FAM178B: variants seen among roughly 807,000 people sequenced by gnomAD.
FAM178B encodes the protein protein FAM178B.
FAM178B carries 82 observed loss-of-function variants against 91.7 expected under a neutral mutation model. The observed-to-expected ratio is 0.89, with a 90% confidence interval of 0.75 to 1.07. The LOEUF is 1.07. Ranked by LOEUF, FAM178B falls within the 50% of genes least tolerant of loss-of-function variation. The pLI is 0.00. For synonymous variants in FAM178B, 368 were observed against 359.4 expected (o/e 1.02, Z -0.27); for missense variants, 769 against 846.7 (o/e 0.91, Z 1.14).
At chr2:96,949,464 G>A (rs1201769734) in intron 7 of FAM178B, among the ~76,000 whole-genome samples, 2 of 152,182 alleles carry the variant, frequency 1.3e-5, no homozygotes, top group Admixed American at 1.3e-4. Flanking sequence ...GGAACCTGCA[G>A]GGAGACAGCA....
At chr2:96,942,684 T>C (rs892639061) in intron 8 of FAM178B, among the ~76,000 whole-genome samples, 1 of 152,172 alleles carries the variant, frequency 6.6e-6, no homozygotes. Flanking sequence ...CATGAGCCAC[T>C]GAGCCTGGCC....
At chr2:96,950,185 TG>T (rs2153373341) in intron 7 of FAM178B, 1 of 985,392 alleles carries the variant, frequency 1.0e-6, no homozygotes, top group African/African-American at 1.7e-5. Flanking sequence ...CCGTCTCAGA[TG>T]GGTCCTTTGT....
chr2:96,879,751 G>A (rs959283461), intron 14 of FAM178B, among the ~76,000 whole-genome samples: 3 of 152,208 alleles, frequency 2.0e-5, no homozygotes, highest in Non-Finnish European at 4.4e-5. Context: ...AAACCGAGGC[G>A]TGCCTCCAGG....
In FAM178B at chr2:96,969,220, C is replaced by A. The variant is rs78143122; in HGVS notation, c.626+1496G>T. ...ACACAGCGTCCTATGGACTAAATGT[C>A]TGTGTCTTCCCAGAATTCCTATGTT... On this transcript the variant is annotated intron_variant, in intron 4 of 16. Coordinates refer to ENST00000490605, the MANE Select transcript of FAM178B (RefSeq NM_001122646.3). Among the ~76,000 whole-genome samples, 399 of 152,352 alleles carry A rather than the reference C, an allele frequency of 2.6e-3. 14 individuals carry two copies. The East Asian group carries it at 0.068, about 26-fold the overall frequency.
chr2:96,979,029 T>C (rs2082328131), intron 1 of FAM178B, among the ~76,000 whole-genome samples: 2 of 142,198 alleles, frequency 1.4e-5, no homozygotes, highest in Admixed American at 1.5e-4. Context: ...CAGGCTGGAG[T>C]GCAGTGGTGT....
intron 12 of FAM178B, among the ~76,000 whole-genome samples, chr2:96,905,835 TATATATATATATATATATATATA>T (rs1559064038): frequency 8.9e-4 from 20 of 22,516 alleles, no homozygotes; most frequent in African/African-American, 2.3e-3. Flanking sequence ...TATATATATA[TATATATATATATATATATATATA>T]TATTTTTTTT....
At chr2:96,946,062 C>T (rs551309659) in intron 8 of FAM178B, among the ~76,000 whole-genome samples, 276 of 152,236 alleles carry the variant, frequency 1.8e-3, no homozygotes, top group Non-Finnish European at 2.2e-3. Flanking sequence ...ATTTGACTAC[C>T]CTGGGTACCT....
chr2:96,929,153 T>C (rs886083264), intron 9 of FAM178B, 53 bp downstream of exon 9: 11 of 1,245,346 alleles, frequency 8.8e-6, no homozygotes, highest in Non-Finnish European at 9.2e-6. Flanking sequence ...AGAGAGACCC[T>C]GTCTCTTAAA....
intron 1 of FAM178B, among the ~76,000 whole-genome samples, chr2:96,982,281 T>C (rs1311330231): frequency 6.6e-6 from 1 of 152,052 alleles, no homozygotes; most frequent in Non-Finnish European, 1.5e-5. Flanking sequence ...TATTTTATTT[T>C]AGAGACAGGG....
intron 12 of FAM178B, among the ~76,000 whole-genome samples, chr2:96,915,314 C>T (rs2081224320): frequency 6.6e-6 from 1 of 150,826 alleles, no homozygotes; most frequent in Non-Finnish European, 1.5e-5. Flanking sequence ...GACGGGGTTT[C>T]ACCATGTTGG....
chr2:96,978,974 CT>C (rs559416706), intron 1 of FAM178B, among the ~76,000 whole-genome samples: 28,303 of 56,624 alleles, frequency 0.5, 3,650 homozygotes, highest in South Asian at 0.61. Flanking sequence ...GTATGTATCA[CT>C]TTTTTTTTTT....
intron 14 of FAM178B, among the ~76,000 whole-genome samples, chr2:96,880,147 C>T (rs1230314938): frequency 2.6e-5 from 4 of 152,144 alleles, no homozygotes; most frequent in Non-Finnish European, 5.9e-5. Context: ...GAGAAAGGGC[C>T]CTTCCAGGGT....
At chr2:96,877,627 C>T in intron 16 of FAM178B, 1 of 449,784 alleles carries the variant, frequency 2.2e-6, no homozygotes, top group Admixed American at 3.4e-5. Context: ...GGTCTCCTGA[C>T]CTTGTGATCC....
intron 1 of FAM178B, among the ~76,000 whole-genome samples, chr2:96,980,912 C>A (rs1278872947): frequency 6.6e-6 from 1 of 152,006 alleles, no homozygotes. Context: ...TGAAATGAGT[C>A]TTTGATCAGT....
chr2:96,908,787 T>C (rs1481469447), intron 12 of FAM178B, among the ~76,000 whole-genome samples: 1 of 152,076 alleles, frequency 6.6e-6, no homozygotes, highest in Non-Finnish European at 1.5e-5. Flanking sequence ...TGAACAATCA[T>C]ACCAACTTCC....
intron 8 of FAM178B, among the ~76,000 whole-genome samples, chr2:96,936,790 C>T (rs913644287): frequency 2.0e-5 from 3 of 152,102 alleles, no homozygotes; most frequent in African/African-American, 4.8e-5. Flanking sequence ...GGATTACAGG[C>T]GTGAGACACC....
chr2:96,897,128 A>C (rs1443304159), intron 13 of FAM178B, among the ~76,000 whole-genome samples: 1 of 152,132 alleles, frequency 6.6e-6, no homozygotes, highest in African/African-American at 2.4e-5. Context: ...TGGCCTCCCA[A>C]AGCGCTGGGA....
In FAM178B at chr2:96,921,200, G is replaced by A. The variant is rs980746276; in HGVS notation, c.1527C>T (p.Leu509=). The change falls in exon 12 of 17, where the codon CTC becomes CTT. Residue 509 remains leucine, a synonymous_variant. Transcript: ENST00000490605. ...AGGTCATGTCTGGGAAGAACTGCAC[G>A]AGGGCCAGCAGGTTGTGGTGGTGGT... The part of the protein sequence containing the change: ...VSDHHHNLLA[L]VQFFPDMTSR... 1.3e-5 allele frequency: 20 copies of A among 1,551,574 alleles called. No homozygotes were observed. The highest frequency in any genetic ancestry group is 1.7e-4 in the Middle Eastern group (1 of 5,992).
chr2:96,905,117 G>A (rs1257408785), intron 12 of FAM178B, among the ~76,000 whole-genome samples: 2 of 151,824 alleles, frequency 1.3e-5, no homozygotes, highest in African/African-American at 2.4e-5. Context: ...ACCCTGGGGT[G>A]GGGGTGGGGG....
Sources: allele counts gnomAD v4.1 joint callset (sites outside exome capture counted in the v4.1 genomes callset), GRCh38; gene constraint gnomAD v4.1.1; transcripts MANE v1.5; gene names NCBI Gene and HGNC (gene_info 2026-07-23, HGNC 2026-07-21).